RRP1: variants seen among roughly 807,000 people sequenced by gnomAD.
RRP1 encodes the protein ribosomal RNA processing 1.
In RRP1, 37 loss-of-function variants were observed where a neutral mutation model predicts 54.6. The ratio of observed to expected loss-of-function variants is 0.68; its 90% CI spans 0.52 to 0.89. The LOEUF is 0.89. RRP1 is among the 40% of genes least tolerant of loss of function. RRP1 has a pLI of 0.00. For synonymous variants in RRP1, 262 were observed against 244.3 expected, an observed-to-expected ratio of 1.07 and a Z score of -0.67; for missense variants, 639 against 612.5, an observed-to-expected ratio of 1.04 and a Z score of -0.46.
In RRP1 at chr21:43,798,088, A is replaced by G. The variant is rs1326500428; in HGVS notation, c.799A>G (p.Lys267Glu). The change falls in exon 8 of 13, where the codon AAG becomes GAG. Residue 267 changes from lysine to glutamate, a missense_variant. Transcript: ENST00000497547. ...CGCGCTGTCCCAGAAGAGGTCTGAGAAGCCGCCCGCAGGTGGGGGTCACAC... is the reference window on the plus strand; with the variant it reads ...CGCGCTGTCCCAGAAGAGGTCTGAGGAGCCGCCCGCAGGTGGGGGTCACAC... The part of the protein sequence containing the change: ...GDALSQKRSE[K>E]PPAGSICRAE... 2 of 1,611,988 alleles carry G rather than the reference A, an allele frequency of 1.2e-6. No individual in the cohort carries two copies. Among genetic ancestry groups the G allele is most frequent in the Admixed American group, 3.4e-5 (2 of 59,694 alleles).
At chr21:43,797,380 CTCA>C (rs1290668275) in intron 5 of RRP1, 39 bp from the exon 6 acceptor site, 25 of 1,579,508 alleles carry the variant, frequency 1.6e-5, no homozygotes, top group Non-Finnish European at 2.1e-5. Context: ...TGTCTTGGGG[CTCA>C]TCGAGGCTGC....
intron 10 of RRP1, 84 bp downstream of exon 10, chr21:43,800,698 C>T (rs1290142623): frequency 6.6e-7 from 1 of 1,523,250 alleles, no homozygotes; most frequent in Non-Finnish European, 9.1e-7. Flanking sequence ...TTGCCTTGTC[C>T]TGGGCCCTTC....
intron 8 of RRP1, 151 bp from the exon 9 acceptor site, chr21:43,799,419 C>G: frequency 1.6e-6 from 1 of 617,318 alleles, no homozygotes; most frequent in Non-Finnish European, 2.8e-6. Flanking sequence ...ATGTTCTGAC[C>G]AGGGTGCAGG....
rs140646060 is a variant in RRP1 at position 43,797,635 on chromosome 21, C to T, written c.557C>T (p.Thr186Met). The T allele has an allele frequency of 1.6e-5, 26 of 1,614,170 alleles. No individual in the cohort carries two copies. The highest frequency in any genetic ancestry group is 1.9e-5 in the Non-Finnish European group (23 of 1,180,042). ...TCCCGCTGGCTTTCCCCGTAGCTTA[C>T]GGCAGACCAGAACCTGAAGTTCATC... ...ELTKVGAEEL[T>M]ADQNLKFIDP... Residue 186 changes from threonine (T) to methionine (M), a missense_variant, in exon 7 of 13, where the codon ACG (threonine) becomes ATG (methionine). Coordinates refer to ENST00000497547, the MANE Select transcript of RRP1 (RefSeq NM_003683.6).
chr21:43,796,527 C>T (rs938079403), intron 5 of RRP1, among the ~76,000 whole-genome samples: 3 of 152,288 alleles, frequency 2.0e-5, no homozygotes, highest in African/African-American at 4.8e-5. Flanking sequence ...CCGCTCTTCC[C>T]GCCCTCTTGG....
chr21:43,793,302 G>C lies in RRP1; in HGVS notation c.275-17G>C. The C allele has an allele frequency of 6.2e-7, 1 of 1,613,500 alleles. No homozygotes were observed. Among genetic ancestry groups the C allele is most frequent in the East Asian group, 2.2e-5 (1 of 44,886 alleles). On this transcript the variant is annotated splice_polypyrimidine_tract_variant and intron_variant, in intron 3 of 12. Transcript: ENST00000497547. ...CGTGCTCCTCAGTGGTTCTCTTCTG[G>C]CTTATTCCTTCTCCAGAGCACCTGT...
At chr21:43,801,882 A>C (rs1344569014) in intron 11 of RRP1, among the ~76,000 whole-genome samples, 1 of 152,194 alleles carries the variant, frequency 6.6e-6, no homozygotes, top group Non-Finnish European at 1.5e-5. Context: ...CTGAGTGCTG[A>C]CAGGAAGCTC....
Position 43,803,710 on chromosome 21 carries a change from C to A in RRP1, c.1322C>A (p.Thr441Asn), listed in dbSNP as rs1403925942. The A allele has an allele frequency of 6.4e-7, 1 of 1,560,608 alleles. No homozygotes were observed. Among genetic ancestry groups the A allele is most frequent in the Non-Finnish European group, 8.7e-7 (1 of 1,152,418 alleles). Residue 441 changes from threonine (T) to asparagine (N), a missense_variant, in exon 13 of 13, where the codon ACC becomes AAC. Physicochemically the swap from Thr to Asn is moderately conservative, Grantham distance 65 (BLOSUM62 0). Transcript: ENST00000497547. Reference protein sequence around the residue: ...RQRRRTPRPLTSARAKAANVQ... With the variant: ...RQRRRTPRPLNSARAKAANVQ... ...AGAAGGAGGACACCTCGGCCCCTGA[C>A]CAGTGCCCGAGCAAAGGCGGCCAAT...
In RRP1 at chr21:43,789,601, C is replaced by G; in HGVS notation, c.-29C>G. 6.3e-7 allele frequency: 1 copy of G among 1,580,106 alleles called. No individual in the cohort carries two copies. The highest frequency in any genetic ancestry group is 1.1e-5 in the South Asian group (1 of 87,052). ...CAGTGTGCTGGGTACCAGGCGACTCCGGGACAGGGGGTCTCGGCCGTCGGC... is the reference window on the plus strand; with the variant it reads ...CAGTGTGCTGGGTACCAGGCGACTCGGGGACAGGGGGTCTCGGCCGTCGGC... On this transcript the variant is annotated 5_prime_UTR_variant, in exon 1 of 13. Coordinates refer to ENST00000497547, the MANE Select transcript of RRP1 (RefSeq NM_003683.6).
chr21:43,803,656 G>C lies in RRP1; in HGVS notation c.1268G>C (p.Arg423Thr). The change falls in exon 13 of 13, where the codon AGG becomes ACG. Residue 423 changes from arginine (R) to threonine (T), a missense_variant. By Grantham distance (71) the Arg-to-Thr change is moderately conservative (BLOSUM62 -1). Coordinates refer to ENST00000497547, the MANE Select transcript of RRP1 (RefSeq NM_003683.6). ...CGGGCCCTGCTCCGAGATCAGCCCA[G>C]GGGCCGTGGCCAGAGAGGGGCTCGC... ...AERALLRDQP[R>T]GRGQRGARQR... 1 of 1,551,748 alleles carries C rather than the reference G, an allele frequency of 6.4e-7. No individual in the cohort carries two copies. Among genetic ancestry groups the C allele is most frequent in the Non-Finnish European group, 8.7e-7 (1 of 1,148,094 alleles).
At chr21:43,793,184 C>G in intron 3 of RRP1, 135 bp from the exon 4 acceptor site, 1 of 750,308 alleles carries the variant, frequency 1.3e-6, no homozygotes, top group South Asian at 1.7e-5. Context: ...AGATCCAGTT[C>G]TGGGGGTAGG....
chr21:43,793,432 G>A, intron 4 of RRP1, 28 bp downstream of exon 4: 2 of 1,597,540 alleles, frequency 1.3e-6, no homozygotes, highest in Non-Finnish European at 1.7e-6. Flanking sequence ...GTGCCGGCGG[G>A]CGGGGGCAGC....
chr21:43,801,172 C>T (rs1185163431), intron 11 of RRP1, among the ~76,000 whole-genome samples: 1 of 152,192 alleles, frequency 6.6e-6, no homozygotes, highest in Non-Finnish European at 1.5e-5. Flanking sequence ...TGCTGCTGGT[C>T]TGTTGGGCAG....
At chr21:43,790,917 C>A in intron 1 of RRP1, 1 of 446,248 alleles carries the variant, frequency 2.2e-6, no homozygotes, top group Non-Finnish European at 4.5e-6. Context: ...CTCTCGTAGT[C>A]TGAATGCCTG....
intron 9 of RRP1, 114 bp from the exon 10 acceptor site, chr21:43,800,403 G>A: frequency 1.1e-6 from 1 of 888,464 alleles, no homozygotes; most frequent in Non-Finnish European, 1.8e-6. Flanking sequence ...CTGTGAGCCG[G>A]GTGGAGAACC....
rs1307891653 is a variant in RRP1 at position 43,797,964 on chromosome 21, C to T, written c.675C>T (p.Ala225=). ...TCTTTGAGACGATTGTGGAGCAGGC[C>T]CCGCTTGCCATTGAAGACCTCCTGA... ...RGIFETIVEQ[A]PLAIEDLLNE... The change falls in exon 8 of 13, where the codon GCC becomes GCT. Residue 225 remains alanine (A), a synonymous_variant. Coordinates refer to ENST00000497547, the MANE Select transcript of RRP1 (RefSeq NM_003683.6). 3.1e-6 allele frequency: 5 copies of T among 1,614,156 alleles called. No homozygotes were observed. Among genetic ancestry groups the T allele is most frequent in the South Asian group, 1.1e-5 (1 of 91,086 alleles).
chr21:43,795,170 A>T lies in RRP1; in HGVS notation c.361-19A>T, dbSNP rs2838372. On this transcript the variant is annotated intron_variant, in intron 4 of 12. Coordinates refer to ENST00000497547, the MANE Select transcript of RRP1 (RefSeq NM_003683.6). Reference sequence around the variant, plus strand: ...TAGGGCTGGGCTTCTGCTAATGCCAACCTCCTTCTGTGTCAAAGCTCATGC... The same window carrying T: ...TAGGGCTGGGCTTCTGCTAATGCCATCCTCCTTCTGTGTCAAAGCTCATGC... 1 of 1,611,490 alleles carries T rather than the reference A, an allele frequency of 6.2e-7. No homozygotes were observed. The highest frequency in any genetic ancestry group is 1.1e-5 in the South Asian group (1 of 91,004).
At chr21:43,794,380 A>G (rs1601867983) in intron 4 of RRP1, among the ~76,000 whole-genome samples, 1 of 151,994 alleles carries the variant, frequency 6.6e-6, no homozygotes, top group Non-Finnish European at 1.5e-5. Flanking sequence ...GCTGCTTTCC[A>G]TGGCTCGTTT....
intron 3 of RRP1, 157 bp downstream of exon 3, chr21:43,792,886 G>A (rs1292071468): frequency 5.6e-6 from 4 of 719,058 alleles, no homozygotes; most frequent in Non-Finnish European, 9.6e-6. Context: ...CTTAGCATGT[G>A]TGCAGTGCTG....
Sources: gnomAD v4.1 joint callset for allele counts (sites outside exome capture counted in the v4.1 genomes callset) on GRCh38, gnomAD v4.1.1 for gene constraint, MANE v1.5 for transcripts, NCBI Gene and HGNC (gene_info 2026-07-23, HGNC 2026-07-21) for gene names.